The following EPB41L4B variants were observed in gnomAD, a reference collection of about 807,000 sequenced individuals.
EPB41L4B encodes band 4.1-like protein 4B.
In EPB41L4B, 30 loss-of-function variants were observed where a neutral mutation model predicts 112.5. That is an observed-to-expected ratio of 0.27 (90% CI 0.20 to 0.36). EPB41L4B has a LOEUF of 0.36. Ranked by LOEUF, EPB41L4B falls within the 10% of genes least tolerant of loss-of-function variation. The probability of loss-of-function intolerance (pLI) is 1.00; values close to 1 mark genes in which losing one functional copy is unlikely to be tolerated. For synonymous variants in EPB41L4B, 408 were observed against 439.7 expected, an observed-to-expected ratio of 0.93 and a Z score of 0.90; for missense variants, 1,024 against 1,133.3, an observed-to-expected ratio of 0.90 and a Z score of 1.38.
chr9:109,241,719 C>T lies in EPB41L4B; in HGVS notation c.1409+1899G>A, dbSNP rs780738949. ...TCATACTTTGCATCCCTCCTAAGTT[C>T]TTCTGGTTCTGGTCGTGGACATAAT... On this transcript the variant is annotated intron_variant, in intron 15 of 25. Coordinates refer to ENST00000374566, the MANE Select transcript of EPB41L4B (RefSeq NM_019114.5). 6 of 1,614,054 alleles carry T rather than the reference C, an allele frequency of 3.7e-6. No homozygotes were observed. In the Admixed American group the frequency reaches 5.0e-5, roughly 13 times the overall value.
chr9:109,314,478 C>T (rs530274343), intron 1 of EPB41L4B, among the ~76,000 whole-genome samples: 10 of 152,180 alleles, frequency 6.6e-5, no homozygotes, highest in South Asian at 4.2e-4. Context: ...GTCATGTTAC[C>T]GGCACTGGAG....
intron 15 of EPB41L4B, among the ~76,000 whole-genome samples, chr9:109,218,634 C>G (rs1833471409): frequency 6.6e-6 from 1 of 152,096 alleles, no homozygotes; most frequent in Admixed American, 6.6e-5. Context: ...CCCCCGCCCC[C>G]AGTCTTGGCC....
At chr9:109,189,021 A>G (rs1300709035) in intron 22 of EPB41L4B, among the ~76,000 whole-genome samples, 2 of 151,894 alleles carry the variant, frequency 1.3e-5, no homozygotes, top group Non-Finnish European at 2.9e-5. Context: ...CCCTCCCCCA[A>G]CTCCCCTCGC....
At chr9:109,225,466 C>T (rs1039061382) in intron 15 of EPB41L4B, among the ~76,000 whole-genome samples, 9 of 152,118 alleles carry the variant, frequency 5.9e-5, no homozygotes, top group East Asian at 3.8e-4. Flanking sequence ...TCTCACATGG[C>T]GGTAGACAAG....
chr9:109,266,216 A>C (rs934726555), intron 4 of EPB41L4B, among the ~76,000 whole-genome samples: 1 of 152,320 alleles, frequency 6.6e-6, no homozygotes, highest in East Asian at 1.9e-4. Flanking sequence ...TATTTTAAAA[A>C]ATACAAAAAA....
chr9:109,305,447 G>A (rs912927999), intron 1 of EPB41L4B, among the ~76,000 whole-genome samples: 4 of 149,816 alleles, frequency 2.7e-5, no homozygotes, highest in African/African-American at 9.9e-5. Context: ...GGTGAAACCC[G>A]GTCTCTACTA....
At chr9:109,276,055 T>C (rs1314824351) in intron 2 of EPB41L4B, among the ~76,000 whole-genome samples, 1 of 147,940 alleles carries the variant, frequency 6.8e-6, no homozygotes, top group East Asian at 1.9e-4. Flanking sequence ...ATAAAATATA[T>C]GTATATACAT....
At chr9:109,204,960 C>T (rs1564264125) in intron 18 of EPB41L4B, among the ~76,000 whole-genome samples, 1 of 152,190 alleles carries the variant, frequency 6.6e-6, no homozygotes, top group Non-Finnish European at 1.5e-5. Context: ...CCATCACAAC[C>T]CCTCAAAACC....
chr9:109,278,514 A>C (rs774789532), intron 2 of EPB41L4B, among the ~76,000 whole-genome samples: 1 of 152,168 alleles, frequency 6.6e-6, no homozygotes, highest in South Asian at 2.1e-4. Context: ...CAAATGTCAC[A>C]TGTCACCTGA....
At chr9:109,283,239 C>CT (rs1836139107) in intron 1 of EPB41L4B, among the ~76,000 whole-genome samples, 1 of 152,110 alleles carries the variant, frequency 6.6e-6, no homozygotes, top group South Asian at 2.1e-4. Flanking sequence ...TCTCCCCTGA[C>CT]TTGTGTAGTG....
intron 15 of EPB41L4B, chr9:109,241,731 G>T: frequency 6.2e-7 from 1 of 1,614,136 alleles, no homozygotes; most frequent in South Asian, 1.1e-5. Flanking sequence ...TCTGGTTCTG[G>T]TCGTGGACAT....
intron 15 of EPB41L4B, among the ~76,000 whole-genome samples, chr9:109,218,126 C>CTTTTTTTTTTT (rs10654240): frequency 9.4e-6 from 1 of 106,556 alleles, no homozygotes; most frequent in Non-Finnish European, 1.8e-5. Flanking sequence ...ACTAATAATT[C>CTTTTTTTTTTT]TTTTTTTTTT....
chr9:109,296,009 A>AG (rs1373519472), intron 1 of EPB41L4B, among the ~76,000 whole-genome samples: 2 of 152,234 alleles, frequency 1.3e-5, no homozygotes, highest in African/African-American at 4.8e-5. Context: ...TGCTGGAAGA[A>AG]GGGCAGCCCT....
intron 24 of EPB41L4B, among the ~76,000 whole-genome samples, chr9:109,180,033 A>G (rs1355704443): frequency 6.6e-6 from 1 of 152,154 alleles, no homozygotes; most frequent in Non-Finnish European, 1.5e-5. Context: ...ACTGTGGCCT[A>G]CAAGGCCAAC....
intron 1 of EPB41L4B, among the ~76,000 whole-genome samples, chr9:109,303,318 A>G (rs764177894): frequency 2.0e-5 from 3 of 151,996 alleles, no homozygotes; most frequent in Non-Finnish European, 2.9e-5. Context: ...AACATGTATT[A>G]CTTTTATTTT....
At chr9:109,199,379 G>A (rs1200249636) in intron 20 of EPB41L4B, among the ~76,000 whole-genome samples, 1 of 152,086 alleles carries the variant, frequency 6.6e-6, no homozygotes, top group Non-Finnish European at 1.5e-5. Flanking sequence ...TATGGCAAAA[G>A]TGATGGGGGC....
intron 6 of EPB41L4B, among the ~76,000 whole-genome samples, chr9:109,262,608 T>G (rs987159453): frequency 6.6e-6 from 1 of 152,162 alleles, no homozygotes; most frequent in African/African-American, 2.4e-5. Context: ...CTTTCTAAAG[T>G]GCATATCCGG....
chr9:109,181,325 A>G (rs1167321328), intron 24 of EPB41L4B, among the ~76,000 whole-genome samples: 1 of 152,192 alleles, frequency 6.6e-6, no homozygotes, highest in Non-Finnish European at 1.5e-5. Flanking sequence ...TAAGCTGCCC[A>G]GTGACACCCA....
intron 6 of EPB41L4B, among the ~76,000 whole-genome samples, chr9:109,262,497 T>TA (rs1388775274): frequency 6.6e-6 from 1 of 150,728 alleles, no homozygotes; most frequent in East Asian, 2.0e-4. Context: ...CTGCCCTAGT[T>TA]AGTTTCCTTT....
Sources: allele counts gnomAD v4.1 joint callset (sites outside exome capture counted in the v4.1 genomes callset), GRCh38; gene constraint gnomAD v4.1.1; transcripts MANE v1.5; gene names NCBI Gene and HGNC (gene_info 2026-07-23, HGNC 2026-07-21).